The following CACNA2D3 variants were observed in gnomAD, a reference collection of about 807,000 sequenced individuals.
CACNA2D3 encodes the protein voltage-dependent calcium channel subunit alpha-2/delta-3.
Under a neutral mutation model 160.6 loss-of-function variants are expected in CACNA2D3, and 60 were observed. The ratio of observed to expected loss-of-function variants is 0.37; its 90% CI spans 0.30 to 0.46. CACNA2D3 has a LOEUF of 0.46. Among genes scored for constraint, CACNA2D3 ranks in the 20% least tolerant of loss-of-function variants. The pLI is 1.00. For synonymous variants in CACNA2D3, 558 were observed against 492.9 expected (o/e 1.13, Z -1.75); for missense variants, 1,205 against 1,365.0 (o/e 0.88, Z 1.85).
At chr3:54,992,659 A>G (rs1298065635) in intron 31 of CACNA2D3, among the ~76,000 whole-genome samples, 1 of 151,878 alleles carries the variant, frequency 6.6e-6, no homozygotes, top group Non-Finnish European at 1.5e-5. Flanking sequence ...TTCTTGGATT[A>G]TCTTCTTGTC....
intron 9 of CACNA2D3, among the ~76,000 whole-genome samples, chr3:54,597,573 T>G (rs1230116785): frequency 6.6e-6 from 1 of 152,182 alleles, no homozygotes; most frequent in Non-Finnish European, 1.5e-5. Context: ...AGATTTCTTG[T>G]CCTGCTATAG....
intron 9 of CACNA2D3, among the ~76,000 whole-genome samples, chr3:54,603,509 T>A (rs192496722): frequency 1.1e-3 from 173 of 152,330 alleles, no homozygotes; most frequent in Middle Eastern, 3.4e-3. Flanking sequence ...AGTCTAGCTT[T>A]CTTGAAGGCA....
intron 2 of CACNA2D3, among the ~76,000 whole-genome samples, chr3:54,256,077 G>A (rs138570322): frequency 6.6e-6 from 1 of 152,274 alleles, no homozygotes; most frequent in East Asian, 1.9e-4. Flanking sequence ...ATGAACCACT[G>A]GGCTATAGCC....
intron 11 of CACNA2D3, among the ~76,000 whole-genome samples, chr3:54,743,983 G>A (rs558073355): frequency 6.6e-6 from 1 of 152,158 alleles, no homozygotes; most frequent in African/African-American, 2.4e-5. Context: ...CTGTCTGTCT[G>A]TCCCTTCCAT....
chr3:54,791,500 T>A, intron 13 of CACNA2D3, among the ~76,000 whole-genome samples: 1 of 152,220 alleles, frequency 6.6e-6, no homozygotes, highest in East Asian at 1.9e-4. Flanking sequence ...AAAAATTAAT[T>A]ATTTATGACT....
At chr3:54,282,217 G>C (rs1351844945) in intron 2 of CACNA2D3, among the ~76,000 whole-genome samples, 1 of 152,158 alleles carries the variant, frequency 6.6e-6, no homozygotes. Flanking sequence ...ATGGAGAGTT[G>C]GTGGAATTGT....
chr3:54,281,012 T>G (rs1461716605), intron 2 of CACNA2D3, among the ~76,000 whole-genome samples: 1 of 152,226 alleles, frequency 6.6e-6, no homozygotes. Context: ...TGTTTATTCC[T>G]CTGTCTTCAG....
intron 23 of CACNA2D3, among the ~76,000 whole-genome samples, chr3:54,886,851 A>G (rs1026429807): frequency 1.8e-4 from 28 of 151,520 alleles, no homozygotes; most frequent in African/African-American, 6.1e-4. Flanking sequence ...TATTTGCATT[A>G]CTATATAGAA....
intron 13 of CACNA2D3, 67 bp from the exon 14 acceptor site, chr3:54,816,786 T>A (rs1703467671): frequency 1.3e-6 from 2 of 1,564,264 alleles, no homozygotes; most frequent in Non-Finnish European, 1.7e-6. Context: ...AATGAAGCTT[T>A]ACCATTAATT....
chr3:55,021,600 TA>T (rs1703447404), intron 35 of CACNA2D3, among the ~76,000 whole-genome samples: 1 of 63,466 alleles, frequency 1.6e-5, no homozygotes, highest in Non-Finnish European at 2.9e-5. Context: ...ATCTCTAAAT[TA>T]TATATATATA....
intron 2 of CACNA2D3, among the ~76,000 whole-genome samples, chr3:54,182,178 A>C (rs1448813050): frequency 6.6e-6 from 1 of 152,234 alleles, no homozygotes; most frequent in African/African-American, 2.4e-5. Context: ...TGGGTAAGCC[A>C]CTTAGCAGTA....
chr3:54,217,989 T>C (rs1427355779), intron 2 of CACNA2D3, among the ~76,000 whole-genome samples: 1 of 151,070 alleles, frequency 6.6e-6, no homozygotes, highest in African/African-American at 2.4e-5. Flanking sequence ...AGAGGCGTGT[T>C]AAAGAGGTGT....
chr3:54,282,904 T>C (rs1359914399), intron 2 of CACNA2D3, among the ~76,000 whole-genome samples: 1 of 152,036 alleles, frequency 6.6e-6, no homozygotes, highest in Non-Finnish European at 1.5e-5. Flanking sequence ...ACAAACCCTA[T>C]CATAGTAGTT....
At chr3:54,299,549 G>A (rs757244274) in intron 2 of CACNA2D3, among the ~76,000 whole-genome samples, 16 of 152,194 alleles carry the variant, frequency 1.1e-4, no homozygotes, top group Non-Finnish European at 2.2e-4. Context: ...ATTAAAGGAA[G>A]CGTAATGGTA....
chr3:54,286,418 A>G (rs979103927), intron 2 of CACNA2D3, among the ~76,000 whole-genome samples: 1 of 152,360 alleles, frequency 6.6e-6, no homozygotes, highest in South Asian at 2.1e-4. Flanking sequence ...TCCAAGAAAT[A>G]TGGAACTATG....
At chr3:54,216,203 C>A (rs961171305) in intron 2 of CACNA2D3, among the ~76,000 whole-genome samples, 1 of 152,094 alleles carries the variant, frequency 6.6e-6, no homozygotes, top group African/African-American at 2.4e-5. Flanking sequence ...GCCTGACACC[C>A]ACTCTTTGCA....
intron 2 of CACNA2D3, among the ~76,000 whole-genome samples, chr3:54,289,186 G>A (rs915219744): frequency 3.9e-5 from 6 of 152,176 alleles, no homozygotes; most frequent in African/African-American, 1.4e-4. Flanking sequence ...ATCTCCTTCA[G>A]CTGATAAGCA....
intron 2 of CACNA2D3, among the ~76,000 whole-genome samples, chr3:54,315,616 C>A (rs1311558334): frequency 2.6e-5 from 4 of 152,158 alleles, no homozygotes; most frequent in Admixed American, 2.0e-4. Flanking sequence ...TGAAACCCTC[C>A]AACGAATTGA....
At chr3:54,225,441 C>T (rs1000705610) in intron 2 of CACNA2D3, among the ~76,000 whole-genome samples, 8 of 152,206 alleles carry the variant, frequency 5.3e-5, no homozygotes, top group Non-Finnish European at 8.8e-5. Context: ...TGAGGTTAGA[C>T]CTTTTCACAA....
Sources: allele counts gnomAD v4.1 joint callset (sites outside exome capture counted in the v4.1 genomes callset), GRCh38; gene constraint gnomAD v4.1.1; transcripts MANE v1.5; gene names NCBI Gene and HGNC (gene_info 2026-07-23, HGNC 2026-07-21).